DGKD: variants seen among roughly 807,000 people sequenced by gnomAD.
The protein encoded by DGKD is diacylglycerol kinase delta.
DGKD carries 68 observed loss-of-function variants against 154.4 expected under a neutral mutation model. The ratio of observed to expected loss-of-function variants is 0.44; its 90% CI spans 0.36 to 0.54. The LOEUF (loss-of-function observed/expected upper bound fraction) is 0.54. Among genes scored for constraint, DGKD ranks in the 20% least tolerant of loss-of-function variants. The pLI, the probability that DGKD is intolerant of heterozygous loss-of-function variation, is 0.00. For synonymous variants in DGKD, 693 were observed against 638.0 expected, an observed-to-expected ratio of 1.09 and a Z score of -1.30; for missense variants, 1,343 against 1,593.6, an observed-to-expected ratio of 0.84 and a Z score of 2.68.
intron 14 of DGKD, 71 bp downstream of exon 14, chr2:233,448,446 C>T: frequency 7.2e-7 from 1 of 1,386,220 alleles, no homozygotes; most frequent in Non-Finnish European, 1.0e-6. Flanking sequence ...CAGCAGAGGG[C>T]CGTGACTGCA....
intron 3 of DGKD, among the ~76,000 whole-genome samples, chr2:233,428,869 T>A (rs2062407023): frequency 6.8e-6 from 1 of 146,524 alleles, no homozygotes; most frequent in Non-Finnish European, 1.5e-5. Flanking sequence ...AATAAGAGGT[T>A]TTTTTTTGTT....
At chr2:233,436,099 G>A (rs933471714) in intron 6 of DGKD, among the ~76,000 whole-genome samples, 175 bp downstream of exon 6, 2 of 152,232 alleles carry the variant, frequency 1.3e-5, no homozygotes, top group Non-Finnish European at 2.9e-5. Context: ...GCACCCCCGA[G>A]CTCCATCCTG....
intron 3 of DGKD, among the ~76,000 whole-genome samples, chr2:233,406,371 A>G (rs1224462055): frequency 6.6e-6 from 1 of 152,226 alleles, no homozygotes; most frequent in Non-Finnish European, 1.5e-5. Flanking sequence ...TATAGCTACA[A>G]ATAAGAATGG....
chr2:233,444,408 A>G (rs1282736517), intron 10 of DGKD, among the ~76,000 whole-genome samples: 9 of 151,626 alleles, frequency 5.9e-5, no homozygotes, highest in African/African-American at 2.2e-4. Flanking sequence ...CTTCTGGGAA[A>G]AGTCCAGACC....
intron 1 of DGKD, among the ~76,000 whole-genome samples, chr2:233,361,144 G>A (rs1230278035): frequency 1.3e-5 from 2 of 152,210 alleles, no homozygotes; most frequent in East Asian, 1.9e-4. Flanking sequence ...GCAGGGCTGA[G>A]GTGCCAGGTT....
chr2:233,407,314 T>C (rs1177434311), intron 3 of DGKD, among the ~76,000 whole-genome samples: 2 of 152,244 alleles, frequency 1.3e-5, no homozygotes, highest in African/African-American at 2.4e-5. Flanking sequence ...AGAGTAGATA[T>C]CCGGAAAAAG....
intron 3 of DGKD, among the ~76,000 whole-genome samples, chr2:233,398,022 T>G (rs2061462228): frequency 6.6e-6 from 1 of 152,114 alleles, no homozygotes; most frequent in African/African-American, 2.4e-5. Flanking sequence ...TAGTTCTAGT[T>G]ATCAAAGTTT....
rs753570385 is a variant in DGKD at position 233,450,092 on chromosome 2, G to A, written c.1999G>A (p.Glu667Lys). 2.4e-5 allele frequency: 39 copies of A among 1,613,606 alleles called. No homozygotes were observed. The Admixed American group carries it at 3.0e-4, about 12-fold the overall frequency. Residue 667 changes from glutamate (E) to lysine (K), a missense_variant, in exon 16 of 30, where the codon GAG (glutamate) becomes AAG (lysine). By Grantham distance (56) the Glu-to-Lys change is moderately conservative (BLOSUM62 1). Around this residue, in one of 6 missense-constraint regions of DGKD, gnomAD observed 409 missense variants for 446.0 expected, o/e 0.92. Transcript: ENST00000264057. ...HRVCPPLSHS[E>K]SFGVPKGRSQ... is the part of the protein sequence containing the mutation. ...AGTGTGCCCACCACTGTCCCACAGC[G>A]AGAGCTTCGGGGTCCCCAAGGGGAG... is the stretch of plus-strand genomic sequence containing the variant.
chr2:233,463,983 A>G, intron 26 of DGKD, 181 bp from the exon 27 acceptor site: 1 of 732,384 alleles, frequency 1.4e-6, no homozygotes. Flanking sequence ...CACCAGCACT[A>G]CTTAGAAAGT....
chr2:233,439,584 CAA>C (rs1385309334), intron 9 of DGKD, among the ~76,000 whole-genome samples: 2 of 152,112 alleles, frequency 1.3e-5, no homozygotes, highest in Admixed American at 6.5e-5. Flanking sequence ...TTTTTTGAGA[CAA>C]GAGTCTTGCT....
At chr2:233,393,608 GA>G (rs1703791002) in intron 3 of DGKD, among the ~76,000 whole-genome samples, 3 of 151,470 alleles carry the variant, frequency 2.0e-5, no homozygotes, top group Admixed American at 6.6e-5. Flanking sequence ...AAAGTGCTGG[GA>G]TTACAGGTGT....
chr2:233,377,667 G>T (rs1702651032), intron 1 of DGKD, among the ~76,000 whole-genome samples: 1 of 152,084 alleles, frequency 6.6e-6, no homozygotes, highest in Non-Finnish European at 1.5e-5. Context: ...GAGTGGGCTT[G>T]CTAGATCAGA....
chr2:233,465,861 A>G (rs941364357), intron 27 of DGKD, among the ~76,000 whole-genome samples: 5 of 151,986 alleles, frequency 3.3e-5, no homozygotes, highest in African/African-American at 9.7e-5. Flanking sequence ...CATACTCCTA[A>G]TAAAAATTTA....
chr2:233,374,270 C>T (rs1180873957), intron 1 of DGKD, among the ~76,000 whole-genome samples: 8 of 152,160 alleles, frequency 5.3e-5, no homozygotes, highest in Middle Eastern at 3.4e-3. Flanking sequence ...AGGCTGATTA[C>T]GAACTCCTGA....
At chr2:233,392,548 C>T (rs1323338460) in intron 3 of DGKD, 1 of 152,064 alleles carries the variant, frequency 6.6e-6, no homozygotes, top group Non-Finnish European at 1.5e-5. Flanking sequence ...GTTGGACATA[C>T]TGTGTTTTGA....
intron 14 of DGKD, 44 bp downstream of exon 14, chr2:233,448,419 G>A: frequency 6.3e-7 from 1 of 1,583,422 alleles, no homozygotes; most frequent in Non-Finnish European, 8.7e-7. Flanking sequence ...GAGGCAGCGA[G>A]AAGCTTGCTC....
chr2:233,426,002 C>T (rs2062284785), intron 3 of DGKD, among the ~76,000 whole-genome samples: 1 of 152,056 alleles, frequency 6.6e-6, no homozygotes, highest in Non-Finnish European at 1.5e-5. Flanking sequence ...TAATTTTTGC[C>T]CCAGTGTATG....
intron 3 of DGKD, among the ~76,000 whole-genome samples, chr2:233,411,980 A>G (rs951477063): frequency 5.9e-5 from 9 of 152,118 alleles, no homozygotes; most frequent in Non-Finnish European, 8.8e-5. Context: ...GAACTATATT[A>G]TGTCTGCCTT....
At chr2:233,390,552 G>A (rs1703531356) in intron 3 of DGKD, 69 bp downstream of exon 3, 1 of 1,169,768 alleles carries the variant, frequency 8.5e-7, no homozygotes, top group Non-Finnish European at 1.3e-6. Context: ...ATCTGAACAT[G>A]TGTCCAAGCA....
Sources: gnomAD v4.1 joint callset for allele counts (sites outside exome capture counted in the v4.1 genomes callset) on GRCh38, gnomAD v4.1.1 for gene constraint, gnomAD v4.1.1 regional missense constraint, MANE v1.5 for transcripts, NCBI Gene and HGNC (gene_info 2026-07-23, HGNC 2026-07-21) for gene names.